Variants in CNTNAP2 observed in about 807,000 individuals in gnomAD.
CNTNAP2 encodes contactin associated protein 2.
Under a neutral mutation model 155.2 loss-of-function variants are expected in CNTNAP2, and 98 were observed. The observed-to-expected ratio is 0.63, with a 90% CI of 0.54 to 0.75. The LOEUF (loss-of-function observed/expected upper bound fraction) is 0.75. CNTNAP2 is among the 30% of genes least tolerant of loss of function. CNTNAP2 has a pLI of 0.00. For synonymous variants in CNTNAP2, 651 were observed against 631.2 expected (o/e 1.03, Z -0.47); for missense variants, 1,727 against 1,688.1 (o/e 1.02, Z -0.40).
chr7:146,450,759 T>C (rs1371938927), intron 1 of CNTNAP2, among the ~76,000 whole-genome samples: 1 of 152,178 alleles, frequency 6.6e-6, no homozygotes, highest in Non-Finnish European at 1.5e-5. Context: ...TATGATCTTA[T>C]CTTCAATTTT....
intron 21 of CNTNAP2, among the ~76,000 whole-genome samples, chr7:148,308,022 A>C (rs1026266412): frequency 2.0e-5 from 3 of 152,222 alleles, no homozygotes; most frequent in African/African-American, 7.2e-5. Flanking sequence ...TTGACTTATT[A>C]AAGCTGGAGT....
chr7:147,157,133 T>C (rs961210059), intron 8 of CNTNAP2, among the ~76,000 whole-genome samples: 2 of 152,072 alleles, frequency 1.3e-5, no homozygotes, highest in Non-Finnish European at 2.9e-5. Context: ...TGTTGCCTCA[T>C]TGGCATATAT....
intron 1 of CNTNAP2, among the ~76,000 whole-genome samples, chr7:146,432,069 A>G: frequency 6.6e-6 from 1 of 152,110 alleles, no homozygotes; most frequent in East Asian, 1.9e-4. Flanking sequence ...ATGCCCTGTT[A>G]TAAAAAGTAA....
chr7:148,386,296 G>A (rs1799192239), intron 22 of CNTNAP2, among the ~76,000 whole-genome samples: 1 of 152,152 alleles, frequency 6.6e-6, no homozygotes, highest in African/African-American at 2.4e-5. Context: ...TTGGGAGGCT[G>A]AGGTGGGTGG....
At chr7:146,157,986 G>T (rs1056584262) in intron 1 of CNTNAP2, among the ~76,000 whole-genome samples, 2 of 152,182 alleles carry the variant, frequency 1.3e-5, no homozygotes, top group African/African-American at 4.8e-5. Context: ...ACACCTCCCA[G>T]TAGGGGCCAA....
chr7:148,236,620 T>C (rs542765044), intron 20 of CNTNAP2, among the ~76,000 whole-genome samples: 1 of 152,344 alleles, frequency 6.6e-6, no homozygotes, highest in East Asian at 1.9e-4. Flanking sequence ...TTACAAAATA[T>C]TTTATTGCAT....
At chr7:148,103,605 G>A (rs1182997366) in intron 15 of CNTNAP2, among the ~76,000 whole-genome samples, 1 of 151,532 alleles carries the variant, frequency 6.6e-6, no homozygotes, top group East Asian at 1.9e-4. Flanking sequence ...ATGATTACGA[G>A]CAAAGCACAG....
intron 18 of CNTNAP2, among the ~76,000 whole-genome samples, chr7:148,206,894 T>C (rs1795459062): frequency 6.6e-6 from 1 of 152,162 alleles, no homozygotes; most frequent in Non-Finnish European, 1.5e-5. Flanking sequence ...CCAACTCAGA[T>C]GTCGCCTTCC....
intron 1 of CNTNAP2, among the ~76,000 whole-genome samples, chr7:146,157,895 C>T (rs912296186): frequency 1.3e-5 from 2 of 152,158 alleles, no homozygotes; most frequent in African/African-American, 4.8e-5. Context: ...AGTGGTTCTC[C>T]CAGCATGGAG....
chr7:147,732,045 T>TTA (rs1796749341), intron 13 of CNTNAP2, among the ~76,000 whole-genome samples: 1 of 152,074 alleles, frequency 6.6e-6, no homozygotes, highest in African/African-American at 2.4e-5. Context: ...TTTCTTTTTT[T>TTA]TTATTATTAT....
intron 1 of CNTNAP2, among the ~76,000 whole-genome samples, chr7:146,657,347 A>T (rs996266936): frequency 6.6e-6 from 1 of 152,184 alleles, no homozygotes; most frequent in African/African-American, 2.4e-5. Context: ...TTGTAGATTT[A>T]ACTTATCATG....
intron 3 of CNTNAP2, among the ~76,000 whole-genome samples, chr7:146,877,175 G>C (rs1416580555): frequency 6.6e-6 from 1 of 152,068 alleles, no homozygotes; most frequent in African/African-American, 2.4e-5. Flanking sequence ...TTAATGAAAA[G>C]AAGGTAAAAC....
At chr7:147,606,766 G>A (rs143575253) in intron 12 of CNTNAP2, among the ~76,000 whole-genome samples, 55 of 152,178 alleles carry the variant, frequency 3.6e-4, no homozygotes, top group Non-Finnish European at 7.2e-4. Context: ...GCTGATCTGC[G>A]CTTGGCCTTG....
chr7:148,239,529 C>T (rs1484955085), intron 20 of CNTNAP2, among the ~76,000 whole-genome samples: 1 of 152,180 alleles, frequency 6.6e-6, no homozygotes, highest in Non-Finnish European at 1.5e-5. Flanking sequence ...GATTGAGAGA[C>T]ACATCAAAAA....
chr7:148,333,264 C>T (rs2116566554), intron 21 of CNTNAP2, among the ~76,000 whole-genome samples: 1 of 152,196 alleles, frequency 6.6e-6, no homozygotes, highest in Non-Finnish European at 1.5e-5. Context: ...CCCGTCTCTA[C>T]TAAAAATACA....
intron 15 of CNTNAP2, among the ~76,000 whole-genome samples, chr7:148,020,521 T>G (rs1802260638): frequency 6.6e-6 from 1 of 152,226 alleles, no homozygotes; most frequent in Non-Finnish European, 1.5e-5. Flanking sequence ...TAAATCATCT[T>G]TGAGAATTCG....
chr7:146,913,494 G>C (rs1796331983), intron 3 of CNTNAP2, among the ~76,000 whole-genome samples: 1 of 152,124 alleles, frequency 6.6e-6, no homozygotes, highest in African/African-American at 2.4e-5. Flanking sequence ...ATTTCTCACA[G>C]TTCTTCAGGC....
chr7:146,932,388 C>T (rs147854161), intron 3 of CNTNAP2, among the ~76,000 whole-genome samples: 3 of 150,264 alleles, frequency 2.0e-5, no homozygotes, highest in East Asian at 3.9e-4. Context: ...ATTCAACAAC[C>T]CTTCATGCTA....
At chr7:147,686,974 A>G (rs367878178) in intron 13 of CNTNAP2, among the ~76,000 whole-genome samples, 1 of 152,104 alleles carries the variant, frequency 6.6e-6, no homozygotes, top group South Asian at 2.1e-4. Context: ...TACAGTTAAC[A>G]TTTATCTATT....
Sources: gnomAD v4.1 joint callset for allele counts (sites outside exome capture counted in the v4.1 genomes callset) on GRCh38, gnomAD v4.1.1 for gene constraint, MANE v1.5 for transcripts, NCBI Gene and HGNC (gene_info 2026-07-23, HGNC 2026-07-21) for gene names.